BCAR3: variants seen among roughly 807,000 people sequenced by gnomAD.
BCAR3 encodes the protein breast cancer anti-estrogen resistance protein 3.
BCAR3 carries 37 observed loss-of-function variants against 80.1 expected under a neutral mutation model. That is an observed-to-expected ratio of 0.46 (90% confidence interval 0.36 to 0.61). The LOEUF is 0.61. BCAR3 is among the 20% of genes least tolerant of loss of function. BCAR3 has a pLI of 0.00. For synonymous variants in BCAR3, 389 were observed against 418.9 expected (o/e 0.93, Z 0.87); for missense variants, 978 against 1,068.2 (o/e 0.92, Z 1.18).
chr1:93,842,092 C>T (rs927703500), intron 2 of BCAR3, among the ~76,000 whole-genome samples: 3 of 152,072 alleles, frequency 2.0e-5, no homozygotes, highest in Non-Finnish European at 4.4e-5. Flanking sequence ...ACCACACCTG[C>T]ACCTCACTTA....
intron 7 of BCAR3, among the ~76,000 whole-genome samples, chr1:93,576,926 G>C (rs1025628116): frequency 5.3e-5 from 8 of 152,184 alleles, no homozygotes; most frequent in African/African-American, 1.7e-4. Context: ...AGGCCAAGGT[G>C]GGGGGACTGC....
chr1:93,776,731 T>C (rs569592519), intron 2 of BCAR3, among the ~76,000 whole-genome samples: 1 of 152,182 alleles, frequency 6.6e-6, no homozygotes, highest in Admixed American at 6.5e-5. Context: ...TGTAAATTGG[T>C]AGGTAGATCT....
At chr1:93,626,198 A>T (rs1675452258) in intron 3 of BCAR3, among the ~76,000 whole-genome samples, 1 of 152,198 alleles carries the variant, frequency 6.6e-6, no homozygotes, top group African/African-American at 2.4e-5. Context: ...CCCTTACTTC[A>T]AGGATTGACT....
chr1:93,701,493 T>G (rs1649640973), intron 3 of BCAR3, among the ~76,000 whole-genome samples: 1 of 152,212 alleles, frequency 6.6e-6, no homozygotes, highest in East Asian at 1.9e-4. Context: ...AGGGGACATC[T>G]CTTCACAATG....
chr1:93,601,986 C>A (rs1396034334), intron 3 of BCAR3, among the ~76,000 whole-genome samples: 1 of 152,148 alleles, frequency 6.6e-6, no homozygotes, highest in Non-Finnish European at 1.5e-5. Context: ...GGCCTCTTAT[C>A]AAATTGTATC....
intron 3 of BCAR3, among the ~76,000 whole-genome samples, chr1:93,603,028 G>A (rs1348149056): frequency 6.6e-6 from 1 of 152,232 alleles, no homozygotes; most frequent in African/African-American, 2.4e-5. Flanking sequence ...GATAAATGAA[G>A]AAAGGTTTGA....
At chr1:93,742,349 T>A (rs533931684) in intron 2 of BCAR3, among the ~76,000 whole-genome samples, 12 of 152,304 alleles carry the variant, frequency 7.9e-5, no homozygotes, top group South Asian at 2.1e-4. Flanking sequence ...GTCTTTATAG[T>A]CTTAGGAAGA....
intron 2 of BCAR3, among the ~76,000 whole-genome samples, chr1:93,815,706 A>T (rs982485541): frequency 3.0e-4 from 45 of 152,304 alleles, no homozygotes; most frequent in African/African-American, 1.0e-3. Context: ...AAATGAAATA[A>T]AACATGGGAA....
At chr1:93,730,171 C>T (rs374496107) in intron 2 of BCAR3, among the ~76,000 whole-genome samples, 3 of 152,090 alleles carry the variant, frequency 2.0e-5, no homozygotes, top group South Asian at 2.1e-4. Context: ...ATATTATTCT[C>T]GCCTGGTGAG....
intron 2 of BCAR3, among the ~76,000 whole-genome samples, chr1:93,644,454 G>A (rs201092133): frequency 6.6e-6 from 1 of 152,294 alleles, no homozygotes; most frequent in South Asian, 2.1e-4. Context: ...CCTGCTTTGA[G>A]TTGTCCCACC....
chr1:93,717,482 T>TG (rs1296520061), intron 2 of BCAR3, among the ~76,000 whole-genome samples: 1 of 152,088 alleles, frequency 6.6e-6, no homozygotes, highest in East Asian at 1.9e-4. Context: ...CCCAGCACTT[T>TG]GGGAGGTCGA....
intron 2 of BCAR3, among the ~76,000 whole-genome samples, chr1:93,661,335 G>A (rs1189590181): frequency 3.3e-5 from 5 of 150,508 alleles, no homozygotes; most frequent in African/African-American, 7.3e-5. Context: ...CACTGCACCC[G>A]GCCTACAAAT....
intron 1 of BCAR3, chr1:93,846,855 C>A (rs1478338919): frequency 4.2e-6 from 2 of 480,224 alleles, no homozygotes; most frequent in South Asian, 3.1e-5. Context: ...CCTCAGTCCA[C>A]CAGAGCCCGG....
chr1:93,634,182 AGAG>A (rs1450922585), intron 3 of BCAR3, among the ~76,000 whole-genome samples: 1 of 152,202 alleles, frequency 6.6e-6, no homozygotes. Context: ...ATGTAATTTT[AGAG>A]TACGTAGCCT....
chr1:93,717,683 G>A (rs1384208821), intron 2 of BCAR3, among the ~76,000 whole-genome samples: 1 of 149,158 alleles, frequency 6.7e-6, no homozygotes, highest in Non-Finnish European at 1.5e-5. Flanking sequence ...AGCCGAGATC[G>A]TGCCGCTGTA....
At chr1:93,669,422 GA>G (rs1648098139) in intron 2 of BCAR3, among the ~76,000 whole-genome samples, 1 of 152,190 alleles carries the variant, frequency 6.6e-6, no homozygotes, top group Non-Finnish European at 1.5e-5. Flanking sequence ...TACTGCCTGG[GA>G]AAATGTACTG....
chr1:93,734,098 G>A (rs563995652), intron 2 of BCAR3, among the ~76,000 whole-genome samples: 2 of 152,238 alleles, frequency 1.3e-5, no homozygotes, highest in East Asian at 1.9e-4. Context: ...ATACACATTC[G>A]TAATTACATG....
chr1:93,644,257 C>A lies in BCAR3; in HGVS notation c.318-1914G>T, dbSNP rs201628946. Among the ~76,000 whole-genome samples the A allele has an allele frequency of 1.7e-4, 26 of 152,306 alleles. 1 individual carries two copies. The East Asian group carries it at 3.9e-3, about 23-fold the overall frequency. On this transcript the variant is annotated intron_variant, in intron 2 of 11. Transcript: ENST00000260502. ...CTAAAAGTCTAGCACCTTTTAAAGA[C>A]TGGAACAGGAAACATTTGTCATCTG...
chr1:93,661,060 A>G (rs778803836), intron 2 of BCAR3, among the ~76,000 whole-genome samples: 5 of 145,706 alleles, frequency 3.4e-5, no homozygotes, highest in Non-Finnish European at 7.5e-5. Context: ...TTTTTTTGAG[A>G]TGGAGTTTTG....
Sources: allele counts gnomAD v4.1 joint callset (sites outside exome capture counted in the v4.1 genomes callset), GRCh38; gene constraint gnomAD v4.1.1; transcripts MANE v1.5; gene names NCBI Gene and HGNC (gene_info 2026-07-23, HGNC 2026-07-21).